The following ATF7IP variants were observed in gnomAD, a reference collection of about 807,000 sequenced individuals.
ATF7IP encodes the protein activating transcription factor 7-interacting protein 1.
In ATF7IP, 23 loss-of-function variants were observed where a neutral mutation model predicts 106.4. That is an observed-to-expected ratio of 0.22 (90% CI 0.16 to 0.31). The LOEUF (loss-of-function observed/expected upper bound fraction) is 0.31, where lower values mean the gene tolerates loss of function less well. ATF7IP is among the 10% of genes least tolerant of loss of function. The pLI, the probability that ATF7IP is intolerant of heterozygous loss-of-function variation, is 1.00. For missense variants in ATF7IP, 1,334 were observed against 1,524.3 expected (o/e 0.88, Z 2.08); for synonymous variants, 542 against 539.0 (o/e 1.01, Z -0.08).
At chr12:14,468,420 C>G (rs2136757350) in intron 10 of ATF7IP, among the ~76,000 whole-genome samples, 1 of 150,804 alleles carries the variant, frequency 6.6e-6, no homozygotes, top group Non-Finnish European at 1.5e-5. Flanking sequence ...ACAGGAGGAT[C>G]ACTTGAGCCC....
At chr12:14,478,202 A>G in intron 11 of ATF7IP, 115 bp from the exon 12 acceptor site, 1 of 902,510 alleles carries the variant, frequency 1.1e-6, no homozygotes, top group South Asian at 1.6e-5. Flanking sequence ...TTATTCTCTT[A>G]GAGGTAAATG....
chr12:14,497,671 G>A lies in ATF7IP; in HGVS notation c.3411G>A (p.Val1137=). 1 of 1,613,500 alleles carries A rather than the reference G, an allele frequency of 6.2e-7. No individual in the cohort carries two copies. Among genetic ancestry groups the A allele is most frequent in the Non-Finnish European group, 8.5e-7 (1 of 1,179,606 alleles). The change falls in exon 15 of 15, where the codon GTG becomes GTA. Residue 1137 remains valine (V), a synonymous_variant. Coordinates refer to ENST00000261168, the MANE Select transcript of ATF7IP (RefSeq NM_018179.5). ...TTCTTCAGGAGCCCCCACGCCCCGT[G>A]CACCCAGCACCCTTACCAGAAGCTC... ...PQVHTEPPRP[V]HPAPLPEAPQ...
chr12:14,483,343 C>A (rs933435856), intron 13 of ATF7IP, among the ~76,000 whole-genome samples: 1 of 152,184 alleles, frequency 6.6e-6, no homozygotes, highest in Non-Finnish European at 1.5e-5. Flanking sequence ...CTCTTCCTTA[C>A]CTCCGTTGTG....
intron 5 of ATF7IP, among the ~76,000 whole-genome samples, chr12:14,441,546 A>G (rs1482717315): frequency 1.4e-5 from 2 of 146,698 alleles, no homozygotes; most frequent in African/African-American, 2.6e-5. Flanking sequence ...CTGGAGTGCA[A>G]TGGTGTGATC....
intron 1 of ATF7IP, among the ~76,000 whole-genome samples, chr12:14,376,484 T>G (rs994100673): frequency 6.6e-6 from 1 of 152,232 alleles, no homozygotes; most frequent in African/African-American, 2.4e-5. Flanking sequence ...ATTGTGTGCT[T>G]AACAAAACTA....
intron 1 of ATF7IP, chr12:14,385,292 C>A: frequency 9.2e-7 from 1 of 1,084,400 alleles, no homozygotes. Flanking sequence ...CACTTTTGTG[C>A]AACTGAGACT....
intron 6 of ATF7IP, among the ~76,000 whole-genome samples, chr12:14,449,492 C>T (rs1943113208): frequency 6.6e-6 from 1 of 152,018 alleles, no homozygotes; most frequent in Non-Finnish European, 1.5e-5. Context: ...TTCCTTTGGT[C>T]ACTGTCTATT....
intron 2 of ATF7IP, among the ~76,000 whole-genome samples, chr12:14,427,449 G>A (rs572118624): frequency 7.7e-4 from 116 of 151,404 alleles, no homozygotes; most frequent in African/African-American, 2.5e-3. Flanking sequence ...TGCAACCTCC[G>A]CCTCCCGGGT....
intron 3 of ATF7IP, among the ~76,000 whole-genome samples, chr12:14,434,832 T>TG (rs1411350782): frequency 6.6e-6 from 1 of 152,186 alleles, no homozygotes; most frequent in African/African-American, 2.4e-5. Context: ...ACCCCTGTAA[T>TG]GCCAGCACTT....
At chr12:14,487,215 T>C (rs10846004) in intron 13 of ATF7IP, among the ~76,000 whole-genome samples, 45,635 of 150,738 alleles carry the variant, frequency 0.3, 8,076 homozygotes, top group Admixed American at 0.45. Context: ...TCCAACTTTG[T>C]TCCTTCCATC....
intron 13 of ATF7IP, among the ~76,000 whole-genome samples, chr12:14,495,519 A>G (rs1351577013): frequency 6.6e-6 from 1 of 152,190 alleles, no homozygotes; most frequent in Admixed American, 6.5e-5. Flanking sequence ...TAGTCCAGGA[A>G]CCAGGCCGAA....
intron 8 of ATF7IP, among the ~76,000 whole-genome samples, chr12:14,458,579 T>A (rs1943522077): frequency 6.6e-6 from 1 of 152,198 alleles, no homozygotes; most frequent in African/African-American, 2.4e-5. Flanking sequence ...CCCAGCACTT[T>A]GGGAGGCCCG....
chr12:14,366,573 GTAAA>G (rs775764014), intron 1 of ATF7IP, among the ~76,000 whole-genome samples: 1 of 152,166 alleles, frequency 6.6e-6, no homozygotes, highest in South Asian at 2.1e-4. Flanking sequence ...TTGATCCTAA[GTAAA>G]TAAAGTTTTA....
intron 1 of ATF7IP, chr12:14,416,998 G>T: frequency 1.0e-6 from 1 of 969,370 alleles, no homozygotes; most frequent in Non-Finnish European, 1.2e-6. Flanking sequence ...GGGGAAATGA[G>T]GTTTATTTTT....
At chr12:14,402,467 A>G (rs1375687220) in intron 1 of ATF7IP, among the ~76,000 whole-genome samples, 1 of 148,664 alleles carries the variant, frequency 6.7e-6, no homozygotes, top group African/African-American at 2.5e-5. Context: ...TTCTTTAGTC[A>G]CCTCCCTGAC....
intron 13 of ATF7IP, among the ~76,000 whole-genome samples, chr12:14,494,519 T>C (rs1944947853): frequency 6.8e-6 from 1 of 146,802 alleles, no homozygotes; most frequent in Non-Finnish European, 1.5e-5. Flanking sequence ...TATCCTACTA[T>C]ATATATACAG....
intron 9 of ATF7IP, chr12:14,466,239 C>T (rs1414292786): frequency 1.1e-5 from 3 of 271,448 alleles, no homozygotes; most frequent in Non-Finnish European, 1.4e-5. Flanking sequence ...CATGTTAGAA[C>T]ATTTAAGTTA....
intron 2 of ATF7IP, among the ~76,000 whole-genome samples, chr12:14,431,385 T>TA (rs1307878155): frequency 4.6e-4 from 69 of 149,498 alleles, no homozygotes; most frequent in African/African-American, 1.7e-3. Flanking sequence ...GGACAGATTC[T>TA]AAAAAAAACA....
chr12:14,476,716 A>G (rs1944276148), intron 11 of ATF7IP, among the ~76,000 whole-genome samples: 1 of 151,912 alleles, frequency 6.6e-6, no homozygotes, highest in South Asian at 2.1e-4. Context: ...CAGATACTGT[A>G]TATATATGTA....
Sources: allele counts gnomAD v4.1 joint callset (sites outside exome capture counted in the v4.1 genomes callset), GRCh38; gene constraint gnomAD v4.1.1; transcripts MANE v1.5; gene names NCBI Gene and HGNC (gene_info 2026-07-23, HGNC 2026-07-21).